Variants in ZNF568 observed in about 807,000 individuals in gnomAD.
The protein encoded by ZNF568 is zinc finger protein 568.
In ZNF568, 11 loss-of-function variants were observed where a neutral mutation model predicts 18.1. That is an observed-to-expected ratio of 0.61 (90% CI 0.38 to 1.00). The LOEUF is 1.00. Ranked by LOEUF, ZNF568 falls within the 50% of genes least tolerant of loss-of-function variation. The pLI is 0.01. For synonymous variants in ZNF568, 213 were observed against 246.6 expected (o/e 0.86, Z 1.28); for missense variants, 639 against 768.2 (o/e 0.83, Z 1.99).
intron 4 of ZNF568, among the ~76,000 whole-genome samples, chr19:36,996,046 G>C (rs1007084667): frequency 6.6e-6 from 1 of 152,112 alleles, no homozygotes. Context: ...AGTGGGCCCA[G>C]TGTAATCACA....
intron 7 of ZNF568, among the ~76,000 whole-genome samples, chr19:36,976,720 G>A (rs1026838597): frequency 1.3e-5 from 2 of 152,146 alleles, no homozygotes; most frequent in Non-Finnish European, 2.9e-5. Context: ...AGACCAGCCT[G>A]ACCAACATGG....
At chr19:36,974,838 T>C (rs2146335475) in intron 7 of ZNF568, among the ~76,000 whole-genome samples, 1 of 151,432 alleles carries the variant, frequency 6.6e-6, no homozygotes, top group South Asian at 2.1e-4. Context: ...TTTTTTTTTT[T>C]TTTTTTGAGA....
rs2073601936 is a variant in ZNF568, at chr19:36,927,893, ATATATATATATTTTTTTTTTTTT to A, written c.135+2637_135+2659del. Among the ~76,000 whole-genome samples, 14 of 25,308 alleles carry A rather than the reference ATATATATATATTTTTTTTTTTTT, an allele frequency of 5.5e-4. 1 individual carries two copies. The highest frequency in any genetic ancestry group is 2.6e-3 in the African/African-American group (11 of 4,312). The allele number at this position is 25,308 out of a possible 152,430, so 16.6% of individuals were successfully genotyped here. On this transcript the variant is annotated intron_variant, in intron 4 of 6. Transcript: ENST00000333987. Reference sequence around the variant, plus strand: ...ATATATATATATATATATATTATATATATATATATATTTTTTTTTTTTTTTTTTTTTTTTTTTTGGTGATGAAG... The same window carrying A: ...ATATATATATATATATATATTATATATTTTTTTTTTTTTTTGGTGATGAAG...
intron 4 of ZNF568, among the ~76,000 whole-genome samples, chr19:36,930,500 C>T (rs764233572): frequency 2.0e-5 from 3 of 152,116 alleles, no homozygotes; most frequent in Non-Finnish European, 4.4e-5. Context: ...TGAGCCACCG[C>T]GCCTGGCCAG....
chr19:36,964,053 A>C (rs1047476910), intron 6 of ZNF568, among the ~76,000 whole-genome samples: 1 of 152,088 alleles, frequency 6.6e-6, no homozygotes, highest in Non-Finnish European at 1.5e-5. Flanking sequence ...CAAGTCACAT[A>C]AACATTTGTT....
intron 6 of ZNF568, among the ~76,000 whole-genome samples, chr19:36,972,694 G>A (rs1568402753): frequency 6.6e-6 from 1 of 152,244 alleles, no homozygotes; most frequent in Non-Finnish European, 1.5e-5. Flanking sequence ...TGGCGTGGCC[G>A]GGAGTCGCCC....
At chr19:36,972,469 A>AG (rs2074243866) in intron 6 of ZNF568, among the ~76,000 whole-genome samples, 1 of 151,974 alleles carries the variant, frequency 6.6e-6, no homozygotes, top group Non-Finnish European at 1.5e-5. Context: ...AGTCTCTCCT[A>AG]GGCCACATCC....
At chr19:36,970,641 C>T (rs946419156) in intron 6 of ZNF568, among the ~76,000 whole-genome samples, 1 of 152,006 alleles carries the variant, frequency 6.6e-6, no homozygotes, top group Non-Finnish European at 1.5e-5. Flanking sequence ...CCGGCCATGT[C>T]TTTAATAAAT....
downstream of ZNF568, among the ~76,000 whole-genome samples, chr19:36,956,366 C>CT (rs2074107069): frequency 6.6e-6 from 1 of 152,066 alleles, no homozygotes; most frequent in African/African-American, 2.4e-5. Context: ...TAGAGCAACT[C>CT]TGAAGAGCAA....
At chr19:36,939,359 G>A (rs925110610) in intron 6 of ZNF568, among the ~76,000 whole-genome samples, 8 of 152,174 alleles carry the variant, frequency 5.3e-5, no homozygotes, top group Admixed American at 3.9e-4. Flanking sequence ...CCACAAGGGG[G>A]TGCCTCTGTT....
intron 6 of ZNF568, among the ~76,000 whole-genome samples, chr19:36,941,619 CT>C (rs1183700948): frequency 6.6e-6 from 1 of 152,106 alleles, no homozygotes; most frequent in Non-Finnish European, 1.5e-5. Context: ...GGAATTTGAA[CT>C]TTATGAAAAT....
chr19:36,931,647 T>C (rs1336078129), intron 4 of ZNF568: 4 of 152,190 alleles, frequency 2.6e-5, no homozygotes, highest in Non-Finnish European at 5.9e-5. Context: ...CGATTATAGG[T>C]GTGAGCTACT....
intron 2 of ZNF568, among the ~76,000 whole-genome samples, chr19:36,921,846 C>A (rs904820699): frequency 6.6e-6 from 1 of 152,104 alleles, no homozygotes; most frequent in Non-Finnish European, 1.5e-5. Context: ...TTGAATGAAA[C>A]TCTCTTTTAT....
intron 4 of ZNF568, among the ~76,000 whole-genome samples, chr19:36,993,249 G>A (rs562244929): frequency 6.6e-6 from 1 of 152,278 alleles, no homozygotes; most frequent in Admixed American, 6.5e-5. Flanking sequence ...TGATTACATT[G>A]ATAACTTTTG....
intron 4 of ZNF568, among the ~76,000 whole-genome samples, chr19:36,933,899 GT>G (rs1491540772): frequency 2.8e-4 from 6 of 21,488 alleles, no homozygotes; most frequent in South Asian, 2.7e-3. Flanking sequence ...TTTTGGGTAG[GT>G]TTTTTTTTTT....
At chr19:36,935,804 G>T (rs536771632) in intron 4 of ZNF568, among the ~76,000 whole-genome samples, 3 of 151,932 alleles carry the variant, frequency 2.0e-5, no homozygotes, top group Non-Finnish European at 4.4e-5. Flanking sequence ...ATGGTTGTTC[G>T]CATGCTGTGT....
Position 36,950,780 on chromosome 19 carries a change from C to CA in ZNF568, c.1631dup (p.Asn544LysfsTer4). 1 of 1,613,396 alleles carries CA rather than the reference C, an allele frequency of 6.2e-7. No individual in the cohort carries two copies. Among genetic ancestry groups the CA allele is most frequent in the Non-Finnish European group, 8.5e-7 (1 of 1,179,924 alleles). ...ATGTGGGAAAGCTTTCAGTCAGAGACAAAATCTTCTTGAGCATGAAAAAAT... is the reference window on the plus strand; with the variant it reads ...ATGTGGGAAAGCTTTCAGTCAGAGACAAAAATCTTCTTGAGCATGAAAAAAT... On this transcript the variant is annotated frameshift_variant, in exon 7 of 7. Coordinates refer to ENST00000333987, the MANE Select transcript of ZNF568 (RefSeq NM_198539.4). LOFTEE classifies it low-confidence loss of function (END_TRUNC).
chr19:36,982,155 T>C (rs1403059226), downstream of ZNF568, among the ~76,000 whole-genome samples: 1 of 152,208 alleles, frequency 6.6e-6, no homozygotes, highest in Non-Finnish European at 1.5e-5. Context: ...ATTTCTTTTC[T>C]TCTTTTTTAA....
rs1283787840 is a variant in ZNF568, at chr19:36,951,667, A to ATTTTT, written c.*581_*582insTTTTT. The ATTTTT allele has an allele frequency of 8.5e-6, 1 of 117,100 alleles. No homozygotes were observed. Among genetic ancestry groups the ATTTTT allele is most frequent in the Non-Finnish European group, 1.8e-5 (1 of 55,978 alleles). 7.3% of individuals were successfully genotyped at this position (117,100 alleles called of 1,614,324 possible). A position where few individuals can be genotyped will look rare whatever the true frequency, so the allele number is the denominator to read the frequency against. On this transcript the variant is annotated 3_prime_UTR_variant, in exon 7 of 7. Coordinates refer to ENST00000333987, the MANE Select transcript of ZNF568 (RefSeq NM_198539.4). ...CATTACGACATACTAAAAAATCAAT[A>ATTTTT]TTCTTTTTTTTTTTTTTTTTTTTTT...
Sources: gnomAD v4.1 joint callset for allele counts (sites outside exome capture counted in the v4.1 genomes callset) on GRCh38, gnomAD v4.1.1 for gene constraint, MANE v1.5 for transcripts, NCBI Gene and HGNC (gene_info 2026-07-23, HGNC 2026-07-21) for gene names.